MCF2L: variants seen among roughly 807,000 people sequenced by gnomAD.
The protein encoded by MCF2L is MCF.2 cell line derived transforming sequence like.
A neutral mutation model predicts 153.4 loss-of-function variants in MCF2L; 97 were observed. The ratio of observed to expected loss-of-function variants is 0.63; its 90% CI spans 0.54 to 0.75. The LOEUF is 0.75. Ranked by LOEUF, MCF2L falls within the 30% of genes least tolerant of loss-of-function variation. MCF2L has a pLI of 0.00. For missense variants in MCF2L, 1,347 were observed against 1,495.2 expected (o/e 0.90, Z 1.64); for synonymous variants, 659 against 632.2 (o/e 1.04, Z -0.64).
chr13:112,933,331 G>T (rs1362985121), intron 2 of MCF2L, among the ~76,000 whole-genome samples: 2 of 152,236 alleles, frequency 1.3e-5, no homozygotes, highest in East Asian at 3.9e-4. Flanking sequence ...GAGCTCCGTG[G>T]AAGCTGTGCT....
At chr13:112,902,069 CAT>C in intron 1 of MCF2L, 1 of 693,052 alleles carries the variant, frequency 1.4e-6, no homozygotes, top group Non-Finnish European at 2.4e-6. Context: ...TAGTTTCAAA[CAT>C]ACTATCTTCA....
In MCF2L at chr13:113,077,058, G is replaced by C. The variant is rs149169648; in HGVS notation, c.1507G>C (p.Val503Leu). The change falls in exon 13 of 30, where the codon GTG becomes CTG. Residue 503 changes from valine to leucine, a missense_variant. Physicochemically the swap from Val to Leu is conservative, Grantham distance 32. This residue lies in a region of MCF2L where 820 missense variants were observed against 921.2 expected (regional missense o/e 0.89). Transcript: ENST00000535094. ...ACTGAGCATGCGGTTTCAGGAGCAC[G>C]TGCGAAAGGTCTTCCAGAAGCAGGC... Reference protein sequence around the residue: ...SILNQDLMEHVRKVFQKQASM... With the variant: ...SILNQDLMEHLRKVFQKQASM... 2 of 1,610,820 alleles carry C rather than the reference G, an allele frequency of 1.2e-6. No homozygotes were observed. Among genetic ancestry groups the C allele is most frequent in the African/African-American group, 1.3e-5 (1 of 74,876 alleles).
rs2035834980 is a variant in MCF2L, at chr13:113,099,431, T to C, written c.*2572T>C. The C allele has an allele frequency of 1.3e-5, 2 of 152,216 alleles. No homozygotes were observed. The highest frequency in any genetic ancestry group is 1.3e-4 in the Admixed American group (2 of 15,286). 9.4% of individuals were successfully genotyped at this position (152,216 alleles called of 1,614,324 possible). ...ATGCGGGCAGTCTGCTCTCTAGAAC[T>C]GGACAGCGTGCACAGAGCCACGGGA... is the stretch of plus-strand genomic sequence containing the variant. On this transcript the variant is annotated 3_prime_UTR_variant, in exon 30 of 30. Coordinates refer to ENST00000535094, the MANE Select transcript of MCF2L (RefSeq NM_001112732.3).
chr13:112,903,980 CT>C (rs1426719640), intron 2 of MCF2L, among the ~76,000 whole-genome samples: 1 of 152,162 alleles, frequency 6.6e-6, no homozygotes, highest in East Asian at 1.9e-4. Flanking sequence ...CTGCCCTGAC[CT>C]CTGCAACTGG....
intron 2 of MCF2L, among the ~76,000 whole-genome samples, chr13:112,953,908 C>A (rs2081725181): frequency 6.6e-6 from 1 of 152,210 alleles, no homozygotes; most frequent in Non-Finnish European, 1.5e-5. Flanking sequence ...CACCTCTCCT[C>A]CCCCTGCATG....
rs2140921396 is a variant in MCF2L at position 112,983,557 on chromosome 13, G to C, written c.79+14099G>C. ...CCATCTCCAAAGCCCGTGGTGCTGG[G>C]CACGGCAGAGCCGTAGGCGGAGACA... On this transcript the variant is annotated intron_variant, in intron 1 of 29. Coordinates refer to ENST00000535094, the MANE Select transcript of MCF2L (RefSeq NM_001112732.3). This position sits in a 1 kb window ranked among gnomAD's most constrained non-coding sequence, Gnocchi z 4.0. Among the ~76,000 whole-genome samples the C allele has an allele frequency of 6.6e-6, 1 of 152,344 alleles. No homozygotes were observed. The highest frequency in any genetic ancestry group is 6.5e-5 in the Admixed American group (1 of 15,308).
At chr13:113,066,854 C>T (rs1034457609) in intron 8 of MCF2L, among the ~76,000 whole-genome samples, 2 of 152,344 alleles carry the variant, frequency 1.3e-5, no homozygotes, top group East Asian at 1.9e-4. Context: ...CAGGGCCGTG[C>T]GGGGCGCACC....
At chr13:113,075,217 C>A (rs768085542) in intron 11 of MCF2L, 28 bp downstream of exon 11, 15 of 1,545,844 alleles carry the variant, frequency 9.7e-6, no homozygotes, top group African/African-American at 4.1e-5. Flanking sequence ...CCACCCCACT[C>A]CCCCCCAGCT....
intron 2 of MCF2L, among the ~76,000 whole-genome samples, chr13:112,934,056 G>T (rs2081489774): frequency 6.6e-6 from 1 of 152,204 alleles, no homozygotes; most frequent in African/African-American, 2.4e-5. Flanking sequence ...TGCTCACTGG[G>T]TTCCTGGCTT....
intron 2 of MCF2L, among the ~76,000 whole-genome samples, chr13:113,024,056 G>A (rs1192762261): frequency 6.6e-6 from 1 of 152,224 alleles, no homozygotes; most frequent in Non-Finnish European, 1.5e-5. Context: ...AGTGTGGCAG[G>A]GTCAGTGGCC....
chr13:113,024,562 C>A, intron 2 of MCF2L, 82 bp from the exon 3 acceptor site: 1 of 790,364 alleles, frequency 1.3e-6, no homozygotes, highest in Non-Finnish European at 2.2e-6. Context: ...ATACTGGGTG[C>A]TGATGAAAAC....
At position 112,970,859 on chromosome 13, in the gene MCF2L, C is replaced by T. The variant is rs916766524; in HGVS notation, c.79+1401C>T. 1.8e-4 allele frequency among the ~76,000 whole-genome samples: 28 copies of T among 152,254 alleles called. 1 individual carries two copies. The highest frequency in any genetic ancestry group is 5.8e-4 in the African/African-American group (24 of 41,538). On this transcript the variant is annotated intron_variant, in intron 1 of 29. Transcript: ENST00000535094. The stretch of plus-strand genomic sequence containing the variant: ...CTCACTGAATGTCGTGCGAGCCGGG[C>T]GCTCGGTGTGGGCCATCGTCTCATC...
chr13:113,006,764 A>G (rs973834234), intron 1 of MCF2L, among the ~76,000 whole-genome samples: 10 of 152,174 alleles, frequency 6.6e-5, no homozygotes, highest in African/African-American at 2.4e-4. Flanking sequence ...AGCCCTGCCC[A>G]CTCAGCAGTC....
At chr13:113,034,601 G>A (rs112627187) in intron 3 of MCF2L, among the ~76,000 whole-genome samples, 55,276 of 148,438 alleles carry the variant, frequency 0.37, 10,745 homozygotes, top group Non-Finnish European at 0.45. Context: ...TCTCACCCTC[G>A]CCCTCACCCT....
intron 13 of MCF2L, among the ~76,000 whole-genome samples, chr13:113,077,771 C>G (rs1436366164): frequency 6.6e-6 from 1 of 152,216 alleles, no homozygotes; most frequent in Non-Finnish European, 1.5e-5. Flanking sequence ...CCCGCCACCT[C>G]TGTGTCTCAA....
At position 112,978,854 on chromosome 13, in the gene MCF2L, C is replaced by T. The variant is rs549559397; in HGVS notation, c.79+9396C>T. ...TTAAAATGGCACTAGGCCATTTGCA[C>T]GGCCTTGCACATCAGCTGTGAGGCC... On this transcript the variant is annotated intron_variant, in intron 1 of 29. Coordinates refer to ENST00000535094, the MANE Select transcript of MCF2L (RefSeq NM_001112732.3). Among the ~76,000 whole-genome samples the T allele has an allele frequency of 3.9e-5, 6 of 152,348 alleles. No individual in the cohort carries two copies. The East Asian group carries it at 9.6e-4, about 24-fold the overall frequency.
rs1301907781 is a variant in MCF2L, at chr13:113,056,861, CGCTGAGTGGGT to C, written c.370-3716_370-3706del. Among the ~76,000 whole-genome samples the C allele has an allele frequency of 1.8e-4, 11 of 62,514 alleles. No homozygotes were observed. The East Asian group carries it at 1.9e-3, about 11-fold the overall frequency. The allele number at this position is 62,514 out of a possible 152,430, so 41.0% of individuals were successfully genotyped here. On this transcript the variant is annotated intron_variant, in intron 4 of 29. Transcript: ENST00000535094. ...TGTGTTTGGGTGCTGAGTGTTTCGG[CGCTGAGTGGGT>C]GCTGAGTGGGTGCTGTGTGTTTGGG...
At chr13:113,089,509 C>G (rs2034991553) in intron 25 of MCF2L, 101 bp from the exon 26 acceptor site, 1 of 773,524 alleles carries the variant, frequency 1.3e-6, no homozygotes, top group Non-Finnish European at 2.3e-6. Flanking sequence ...AGGATCAGGC[C>G]GGGAGCTCAG....
chr13:112,993,952 G>C lies in MCF2L; in HGVS notation c.80-20811G>C, dbSNP rs2083000386. Reference sequence around the variant, plus strand: ...TCAGATAAAAGGCACAATCACAACAGCAGCAAACACACCTTCATTTTAAAG... The same window carrying C: ...TCAGATAAAAGGCACAATCACAACACCAGCAAACACACCTTCATTTTAAAG... On this transcript the variant is annotated intron_variant, in intron 1 of 29. Transcript: ENST00000535094. This position sits in a 1 kb window ranked among gnomAD's most constrained non-coding sequence, Gnocchi z 4.6. Among the ~76,000 whole-genome samples, 1 of 134,474 alleles carries C rather than the reference G, an allele frequency of 7.4e-6. No individual in the cohort carries two copies. Among genetic ancestry groups the C allele is most frequent in the African/African-American group, 2.7e-5 (1 of 36,866 alleles). The allele number at this position is 134,474 out of a possible 152,430, so 88.2% of individuals were successfully genotyped here.
Sources: gnomAD v4.1 joint callset for allele counts (sites outside exome capture counted in the v4.1 genomes callset) on GRCh38, gnomAD v4.1.1 for gene constraint, gnomAD v4.1.1 regional missense constraint, Gnocchi (gnomAD v3.1) non-coding constraint, MANE v1.5 for transcripts, NCBI Gene and HGNC (gene_info 2026-07-23, HGNC 2026-07-21) for gene names.